The following ADAMTSL2 variants were observed in gnomAD, a reference collection of about 807,000 sequenced individuals.
ADAMTSL2 encodes ADAMTS-like protein 2.
A neutral mutation model predicts 117.0 loss-of-function variants in ADAMTSL2; 55 were observed. The ratio of observed to expected loss-of-function variants is 0.47; its 90% confidence interval spans 0.38 to 0.59. The LOEUF (loss-of-function observed/expected upper bound fraction) is 0.59. Ranked by LOEUF, ADAMTSL2 falls within the 20% of genes least tolerant of loss-of-function variation. ADAMTSL2 has a pLI of 0.00. For synonymous variants in ADAMTSL2, 572 were observed against 566.4 expected, an observed-to-expected ratio of 1.01 and a Z score of -0.14; for missense variants, 1,182 against 1,354.5, an observed-to-expected ratio of 0.87 and a Z score of 2.00.
chr9:133,567,455 A>G (rs1588308365), intron 13 of ADAMTSL2, among the ~76,000 whole-genome samples: 1 of 152,094 alleles, frequency 6.6e-6, no homozygotes, highest in Admixed American at 6.5e-5. Context: ...GTGGAGGCCT[A>G]TTTTCTTGAC....
In ADAMTSL2 at chr9:133,537,438, G is replaced by T; in HGVS notation, c.124G>T (p.Gly42Cys). Residue 42 changes from glycine (G) to cysteine (C), a missense_variant, in exon 3 of 19, where the codon GGC (glycine) becomes TGC (cysteine). Physicochemically the swap from Gly to Cys is radical, Grantham distance 159 (BLOSUM62 -3). Around this residue, in one of 3 missense-constraint regions of ADAMTSL2, gnomAD observed 372 missense variants for 463.4 expected, o/e 0.80. Transcript: ENST00000651351. ...NSPTSNSLEG[G>C]TDATAFWWGE... ...CCCAACATCCAATAGCCTGGAGGGG[G>T]GCACCGACGCCACGGCCTTCTGGTG... The T allele has an allele frequency of 7.4e-7, 1 of 1,348,092 alleles. No homozygotes were observed. Among genetic ancestry groups the T allele is most frequent in the Non-Finnish European group, 9.6e-7 (1 of 1,041,320 alleles). 83.5% of individuals were successfully genotyped at this position (1,348,092 alleles called of 1,614,324 possible).
intron 9 of ADAMTSL2, among the ~76,000 whole-genome samples, chr9:133,548,170 C>T (rs1412404633): frequency 3.3e-5 from 5 of 152,338 alleles, no homozygotes; most frequent in Non-Finnish European, 7.3e-5. Context: ...GGGCACAGAG[C>T]GAGTGACTTG....
rs1443310842 is a variant in ADAMTSL2, at chr9:133,554,877, T to A, written c.1276+184T>A. 1.3e-5 allele frequency among the ~76,000 whole-genome samples: 2 copies of A among 152,340 alleles called. No homozygotes were observed. Among genetic ancestry groups the A allele is most frequent in the East Asian group, 3.9e-4 (2 of 5,176 alleles). On this transcript the variant is annotated intron_variant, in intron 10 of 18. Transcript: ENST00000651351. The surrounding 1 kb of genome is among the most constrained non-coding windows in gnomAD (Gnocchi z 5.2). ...GACTTGGGATAGGTCCTTCTGTCCA[T>A]GCATTCTTTGAGGTAGATGTGGTTA...
intron 9 of ADAMTSL2, among the ~76,000 whole-genome samples, chr9:133,551,303 C>CA (rs1564501433): frequency 6.7e-6 from 1 of 149,680 alleles, no homozygotes; most frequent in African/African-American, 2.4e-5. Context: ...AGGGCCCCCC[C>CA]ACACACAGCC....
chr9:133,534,508 G>T (rs914453593), upstream of ADAMTSL2: 2 of 494,458 alleles, frequency 4.0e-6, no homozygotes, highest in Non-Finnish European at 3.1e-6. Context: ...CTCCCTGCTC[G>T]CCGCTCCTGG....
intron 10 of ADAMTSL2, 86 bp from the exon 11 acceptor site, chr9:133,555,472 C>T: frequency 8.4e-6 from 13 of 1,553,374 alleles, no homozygotes; most frequent in Middle Eastern, 1.7e-4. Context: ...TGTTTCTGGC[C>T]CCCTCGTCCA....
chr9:133,558,540 GAGA>G lies in ADAMTSL2; in HGVS notation c.1649+2615_1649+2617del, dbSNP rs1338595223. Among the ~76,000 whole-genome samples the G allele has an allele frequency of 1.3e-5, 2 of 152,234 alleles. No individual in the cohort carries two copies. The highest frequency in any genetic ancestry group is 6.5e-5 in the Admixed American group (1 of 15,290). The stretch of plus-strand genomic sequence containing the variant: ...GTCCCTCTCCGCAGCCTTGGGGGGA[GAGA>G]AGAACAGAGCACTTTCTGGCTTGTT... On this transcript the variant is annotated intron_variant, in intron 11 of 18. Coordinates refer to ENST00000651351, the MANE Select transcript of ADAMTSL2 (RefSeq NM_014694.4). This position sits in a 1 kb window ranked among gnomAD's most constrained non-coding sequence, Gnocchi z 4.3.
intron 13 of ADAMTSL2, 71 bp downstream of exon 13, chr9:133,567,133 C>G: frequency 6.5e-7 from 1 of 1,541,242 alleles, no homozygotes; most frequent in Non-Finnish European, 8.7e-7. Flanking sequence ...AAGGAGCAGT[C>G]AGACTTACCC....
At chr9:133,564,310 G>T (rs1830869175) in intron 12 of ADAMTSL2, among the ~76,000 whole-genome samples, 1 of 61,026 alleles carries the variant, frequency 1.6e-5, no homozygotes, top group Non-Finnish European at 3.3e-5. Context: ...GGGAGAGAGA[G>T]AGAAAGAGAG....
intron 4 of ADAMTSL2, among the ~76,000 whole-genome samples, chr9:133,538,994 G>A (rs1469286010): frequency 1.3e-5 from 2 of 152,334 alleles, no homozygotes; most frequent in African/African-American, 2.4e-5. Flanking sequence ...GCTGGGGCAC[G>A]CCGAGCTGGG....
In ADAMTSL2 at chr9:133,555,561, G is replaced by A. The variant is rs540447841; in HGVS notation, c.1280G>A (p.Arg427His). The A allele has an allele frequency of 1.9e-3, 3,099 of 1,612,988 alleles. 7 individuals are homozygous for A. Among genetic ancestry groups the A allele is most frequent in the Non-Finnish European group, 2.4e-3 (2,861 of 1,180,026 alleles). Residue 427 changes from arginine to histidine, a missense_variant, in exon 11 of 19, where the codon CGC (arginine) becomes CAC (histidine). By Grantham distance (29) the Arg-to-His change is conservative. Around this residue, in one of 3 missense-constraint regions of ADAMTSL2, gnomAD observed 345 missense variants for 325.8 expected, o/e 1.06. Transcript: ENST00000651351. ...GAGCCACCTGTCTCCTCTCCAGACCGCAACGTCACGGGGACTCCTCTCACC... is the reference window on the plus strand; with the variant it reads ...GAGCCACCTGTCTCCTCTCCAGACCACAACGTCACGGGGACTCCTCTCACC... ...GPPRGKGFRD[R>H]NVTGTPLTGD... is the part of the protein sequence containing the mutation.
At chr9:133,538,601 C>T (rs1461024742) in intron 4 of ADAMTSL2, among the ~76,000 whole-genome samples, 177 bp downstream of exon 4, 1 of 151,474 alleles carries the variant, frequency 6.6e-6, no homozygotes, top group Admixed American at 6.6e-5. Flanking sequence ...TAGTACGGAG[C>T]CATCCACTGT....
chr9:133,534,690 G>GGC, upstream of ADAMTSL2: 2 of 1,350,930 alleles, frequency 1.5e-6, no homozygotes, highest in Non-Finnish European at 1.9e-6. Flanking sequence ...GGCGGCCGCC[G>GGC]GCGCAGAGCC....
chr9:133,566,504 G>A (rs1050443744), intron 12 of ADAMTSL2, among the ~76,000 whole-genome samples: 6 of 152,258 alleles, frequency 3.9e-5, no homozygotes, highest in Admixed American at 6.5e-5. Flanking sequence ...GGCAGGGCGC[G>A]CCCGAACCCC....
Position 133,546,903 on chromosome 9 carries a change from T to A in ADAMTSL2, c.764-135T>A, listed in dbSNP as rs141662448. The A allele has an allele frequency of 2.2e-4, 201 of 904,122 alleles. No homozygotes were observed. In the African/African-American group the frequency reaches 2.7e-3, roughly 12 times the overall value. The allele number at this position is 904,122 out of a possible 1,614,324, so 56.0% of individuals were successfully genotyped here. On this transcript the variant is annotated intron_variant, in intron 8 of 18. Coordinates refer to ENST00000651351, the MANE Select transcript of ADAMTSL2 (RefSeq NM_014694.4). ...CATTCACTGGCCAGACTCTCCATGA[T>A]GGGAGTTTCCTGTCTCGGGAGCATT...
rs970692815 is a variant in ADAMTSL2 at position 133,536,518 on chromosome 9, C to A, written c.-150-45C>A. The A allele has an allele frequency of 3.3e-6, 5 of 1,504,638 alleles. No homozygotes were observed. In the African/African-American group the frequency reaches 4.2e-5, roughly 13 times the overall value. 93.2% of individuals were successfully genotyped at this position (1,504,638 alleles called of 1,614,324 possible). On this transcript the variant is annotated intron_variant, in intron 1 of 18. Coordinates refer to ENST00000651351, the MANE Select transcript of ADAMTSL2 (RefSeq NM_014694.4). ...TTACTAATCATTCACCAAGCTCCTT[C>A]TTGCTAAGCCTAGACTGAGGCGGGG...
rs1427056574 is a variant in ADAMTSL2 at position 133,554,137 on chromosome 9, C to T, written c.940-220C>T. Among the ~76,000 whole-genome samples the T allele has an allele frequency of 6.6e-6, 1 of 152,344 alleles. No homozygotes were observed. Among genetic ancestry groups the T allele is most frequent in the East Asian group, 1.9e-4 (1 of 5,178 alleles). On this transcript the variant is annotated intron_variant, in intron 9 of 18. Coordinates refer to ENST00000651351, the MANE Select transcript of ADAMTSL2 (RefSeq NM_014694.4). The surrounding 1 kb of genome is among the most constrained non-coding windows in gnomAD (Gnocchi z 5.2). ...ACCCAGGGTGGGCCACTCCCCCCACCACACATCCCCAGCCCCCGCCCTGTT... is the reference window on the plus strand; with the variant it reads ...ACCCAGGGTGGGCCACTCCCCCCACTACACATCCCCAGCCCCCGCCCTGTT...
At chr9:133,548,100 T>G (rs1281241932) in intron 9 of ADAMTSL2, among the ~76,000 whole-genome samples, 1 of 152,206 alleles carries the variant, frequency 6.6e-6, no homozygotes, top group Non-Finnish European at 1.5e-5. Context: ...CTGGGCTGTT[T>G]TGGTTTCCAG....
At chr9:133,539,222 C>T (rs988740863) in intron 4 of ADAMTSL2, among the ~76,000 whole-genome samples, 10 of 152,326 alleles carry the variant, frequency 6.6e-5, no homozygotes, top group East Asian at 1.9e-4. Context: ...CATTTATGAG[C>T]TCCAGCATGA....
Sources: allele counts gnomAD v4.1 joint callset (sites outside exome capture counted in the v4.1 genomes callset), GRCh38; gene constraint gnomAD v4.1.1; regional missense constraint gnomAD v4.1.1; non-coding constraint Gnocchi (gnomAD v3.1); transcripts MANE v1.5; gene names NCBI Gene and HGNC (gene_info 2026-07-23, HGNC 2026-07-21).